The following CARD9 variants were observed in gnomAD, a reference collection of about 807,000 sequenced individuals.
CARD9 encodes the protein caspase recruitment domain family member 9.
Under a neutral mutation model 66.0 loss-of-function variants are expected in CARD9, and 53 were observed. The ratio of observed to expected loss-of-function variants is 0.80; its 90% confidence interval spans 0.64 to 1.01. The LOEUF (loss-of-function observed/expected upper bound fraction) is 1.01, where lower values mean the gene tolerates loss of function less well. CARD9 is among the 50% of genes least tolerant of loss of function. The probability of loss-of-function intolerance (pLI) is 0.00; values close to 1 mark genes in which losing one functional copy is unlikely to be tolerated. For missense variants in CARD9, 769 were observed against 743.2 expected, an observed-to-expected ratio of 1.03 and a Z score of -0.40; for synonymous variants, 387 against 313.8, an observed-to-expected ratio of 1.23 and a Z score of -2.47.
At chr9:136,368,901 C>G (rs184505945) in intron 7 of CARD9, among the ~76,000 whole-genome samples, 1 of 152,072 alleles carries the variant, frequency 6.6e-6, no homozygotes, top group Non-Finnish European at 1.5e-5. Flanking sequence ...CTCACTGCAA[C>G]CTCTGCCTCC....
Position 136,370,448 on chromosome 9 carries a change from CA to C in CARD9, c.808-12del. The C allele has an allele frequency of 6.2e-7, 1 of 1,609,778 alleles. No homozygotes were observed. The highest frequency in any genetic ancestry group is 2.2e-5 in the East Asian group (1 of 44,736). On this transcript the variant is annotated splice_polypyrimidine_tract_variant and intron_variant, in intron 5 of 12. Transcript: ENST00000371732. ...GTCCAGCTTCCCCTCCTGAAGGGGG[CA>C]AAAGGCAATGGCCTGGCTGGGAAGG... is the stretch of plus-strand genomic sequence containing the variant.
At chr9:136,365,426 G>A (rs1440146127) in intron 10 of CARD9, 2 of 591,626 alleles carry the variant, frequency 3.4e-6, no homozygotes, top group Non-Finnish European at 6.1e-6. Context: ...GAGGCCGCCA[G>A]ATGCCAGCCC....
In CARD9 at chr9:136,371,158, C is replaced by T. The variant is rs777590946; in HGVS notation, c.323-13G>A. On this transcript the variant is annotated splice_polypyrimidine_tract_variant and intron_variant, in intron 3 of 12. Transcript: ENST00000371732. ...TCCCCGGACGCGTCTGTGGGCCAGG[C>T]CAGTGTCAGATGGTGCCGTGTTCCC... 5 of 1,611,534 alleles carry T rather than the reference C, an allele frequency of 3.1e-6. No homozygotes were observed. The highest frequency in any genetic ancestry group is 2.2e-5 in the South Asian group (2 of 90,826).
At chr9:136,372,572 G>C (rs1175150258) in intron 1 of CARD9, among the ~76,000 whole-genome samples, 1 of 152,362 alleles carries the variant, frequency 6.6e-6, no homozygotes, top group Middle Eastern at 3.4e-3. Context: ...AGCTGGGTGA[G>C]AGCAGGTTGG....
chr9:136,367,272 A>G lies in CARD9; in HGVS notation c.1270-15T>C. ...AGGTCGGAGCTCTGTGGTCATAGAA[A>G]ATGGGGTGGGTGGGCTGTGAGGGCA... On this transcript the variant is annotated splice_polypyrimidine_tract_variant and intron_variant, in intron 8 of 12. Transcript: ENST00000371732. 3 of 1,612,452 alleles carry G rather than the reference A, an allele frequency of 1.9e-6. No individual in the cohort carries two copies. The highest frequency in any genetic ancestry group is 2.5e-6 in the Non-Finnish European group (3 of 1,179,740).
At chr9:136,366,303 A>G in intron 10 of CARD9, 1 of 185,316 alleles carries the variant, frequency 5.4e-6, no homozygotes, top group Non-Finnish European at 1.2e-5. Context: ...ACCGGGACAC[A>G]GCAGGCCCTT....
Position 136,371,397 on chromosome 9 carries a change from C to A in CARD9, c.249G>T (p.Leu83=). The change falls in exon 3 of 13, where the codon CTG becomes CTT. Residue 83 remains leucine, a synonymous_variant. Coordinates refer to ENST00000371732, the MANE Select transcript of CARD9 (RefSeq NM_052813.5). The stretch of plus-strand genomic sequence containing the variant: ...TGTACAGCTGCGGGTAGTAGAGCTC[C>A]AGGCTCTCGAGGAAGGCCACGTAGC... ...HKGYVAFLES[L]ELYYPQLYKK... is the part of the protein sequence containing the mutation. 1 of 1,595,282 alleles carries A rather than the reference C, an allele frequency of 6.3e-7. No individual in the cohort carries two copies. The highest frequency in any genetic ancestry group is 2.3e-5 in the East Asian group (1 of 44,196).
At chr9:136,364,774 C>T (rs1833078233) in intron 11 of CARD9, 2 of 611,192 alleles carry the variant, frequency 3.3e-6, no homozygotes, top group African/African-American at 1.9e-5. Context: ...CAAGACACAC[C>T]CAGGAGGCCA....
rs370908281 is a variant in CARD9, at chr9:136,364,352, C to T, written c.1561G>A (p.Asp521Asn). Residue 521 changes from aspartate (D) to asparagine (N), a missense_variant, in exon 13 of 13, where the codon GAC (aspartate) becomes AAC (asparagine). Transcript: ENST00000371732. ...TCGCTGCCCGTGGTGTTCTCCCGGTCCTCCTCCCCCTGCCGCCATCCTTTC... is the reference window on the plus strand; with the variant it reads ...TCGCTGCCCGTGGTGTTCTCCCGGTTCTCCTCCCCCTGCCGCCATCCTTTC... ...MQKGWRQGEE[D>N]RENTTGSDNT... 4.5e-6 allele frequency: 7 copies of T among 1,569,846 alleles called. No homozygotes were observed. The highest frequency in any genetic ancestry group is 3.7e-5 in the Admixed American group (2 of 54,058).
At chr9:136,367,084 C>T (rs934640600) in intron 9 of CARD9, 132 bp downstream of exon 9, 15 of 1,176,688 alleles carry the variant, frequency 1.3e-5, no homozygotes, top group African/African-American at 1.5e-5. Flanking sequence ...TGGCCACCTG[C>T]TCTTCCTCCA....
rs1281667217 is a variant in CARD9, at chr9:136,370,517, C to A, written c.807+5G>T. On this transcript the variant is annotated splice_donor_5th_base_variant and intron_variant, in intron 5 of 12. Coordinates refer to ENST00000371732, the MANE Select transcript of CARD9 (RefSeq NM_052813.5). ...GGGCTGCACCTGCCCTGCCTACGGCCCCACCTGGACGGAGGCCTCCAGCTC... is the reference window on the plus strand; with the variant it reads ...GGGCTGCACCTGCCCTGCCTACGGCACCACCTGGACGGAGGCCTCCAGCTC... The A allele has an allele frequency of 1.3e-6, 2 of 1,599,796 alleles. No individual in the cohort carries two copies. Among genetic ancestry groups the A allele is most frequent in the Non-Finnish European group, 1.7e-6 (2 of 1,174,870 alleles).
chr9:136,364,429 C>T (rs1196739083), intron 12 of CARD9, 28 bp from the exon 13 acceptor site: 4 of 1,541,946 alleles, frequency 2.6e-6, no homozygotes, highest in Non-Finnish European at 8.7e-7. Context: ...TCAGGCGCGA[C>T]CCGGCTGCCG....
rs1833237985 is a variant in CARD9 at position 136,370,508 on chromosome 9, G to C, written c.807+14C>G. The C allele has an allele frequency of 6.2e-7, 1 of 1,600,638 alleles. No individual in the cohort carries two copies. ...GCCCTGCCTGGGCTGCACCTGCCCT[G>C]CCTACGGCCCCACCTGGACGGAGGC... On this transcript the variant is annotated intron_variant, in intron 5 of 12. Transcript: ENST00000371732.
At chr9:136,369,986 CG>C in intron 6 of CARD9, 111 bp from the exon 7 acceptor site, 2 of 1,553,160 alleles carry the variant, frequency 1.3e-6, no homozygotes, top group Admixed American at 1.8e-5. Context: ...GTTGGGATGT[CG>C]GGGGAGGCCA....
intron 2 of CARD9, 58 bp from the exon 3 acceptor site, chr9:136,371,519 T>TGGGGGGGGGGGGG: frequency 5.5e-6 from 2 of 365,216 alleles, no homozygotes; most frequent in Non-Finnish European, 4.6e-6. Flanking sequence ...AGGGCTGGGG[T>TGGGGGGGGGGGGG]GGGTGGGCCT....
intron 8 of CARD9, 109 bp from the exon 9 acceptor site, chr9:136,367,366 TCAGCCACAC>T: frequency 7.8e-7 from 1 of 1,281,306 alleles, no homozygotes; most frequent in South Asian, 1.3e-5. Flanking sequence ...GGGCATGCCC[TCAGCCACAC>T]CAGGCCCCCT....
rs1436380227 is a variant in CARD9, at chr9:136,371,313, C to T, written c.322+11G>A. 4 of 1,599,708 alleles carry T rather than the reference C, an allele frequency of 2.5e-6. No homozygotes were observed. Among genetic ancestry groups the T allele is most frequent in the East Asian group, 2.3e-5 (1 of 44,240 alleles). ...GCCTCCCCTGTCGGCCCCGCCTCCC[C>T]CGTCACTCACCGATGATCATGGAGA... On this transcript the variant is annotated intron_variant, in intron 3 of 12. Transcript: ENST00000371732.
chr9:136,367,949 C>T (rs544829651), intron 7 of CARD9, 121 bp from the exon 8 acceptor site: 2 of 1,446,120 alleles, frequency 1.4e-6, no homozygotes, highest in African/African-American at 1.4e-5. Context: ...GGCGCGGAGG[C>T]TGGTCACAGC....
rs548613998 is a variant in CARD9 at position 136,369,573 on chromosome 9, G to C, written c.1077+177C>G. On this transcript the variant is annotated intron_variant, in intron 7 of 12. Transcript: ENST00000371732. ...CAATCCCAGCACTTTGGGAGGCTGAGGCCGGAGGATTGCTTGAGGCCAGTA... is the reference window on the plus strand; with the variant it reads ...CAATCCCAGCACTTTGGGAGGCTGACGCCGGAGGATTGCTTGAGGCCAGTA... Among the ~76,000 whole-genome samples, 28 of 152,356 alleles carry C rather than the reference G, an allele frequency of 1.8e-4. 1 individual carries two copies. The highest frequency in any genetic ancestry group is 5.8e-4 in the African/African-American group (24 of 41,584).
Sources: gnomAD v4.1 joint callset for allele counts (sites outside exome capture counted in the v4.1 genomes callset) on GRCh38, gnomAD v4.1.1 for gene constraint, MANE v1.5 for transcripts, NCBI Gene and HGNC (gene_info 2026-07-23, HGNC 2026-07-21) for gene names.